The following ZNF346 variants were observed in gnomAD, a reference collection of about 807,000 sequenced individuals.
ZNF346 encodes double-stranded RNA-binding zinc finger protein JAZ.
In ZNF346, 23 loss-of-function variants were observed where a neutral mutation model predicts 33.7. The observed-to-expected ratio is 0.68, with a 90% confidence interval of 0.49 to 0.97. The LOEUF (loss-of-function observed/expected upper bound fraction) is 0.97. Among genes scored for constraint, ZNF346 ranks in the 50% least tolerant of loss-of-function variants. The probability of loss-of-function intolerance (pLI) is 0.00; values close to 1 mark genes in which losing one functional copy is unlikely to be tolerated. For synonymous variants in ZNF346, 134 were observed against 142.4 expected (o/e 0.94, Z 0.42); for missense variants, 340 against 371.1 (o/e 0.92, Z 0.69).
intron 3 of ZNF346, among the ~76,000 whole-genome samples, chr5:177,042,607 C>A (rs1204849889): frequency 1.3e-5 from 2 of 152,182 alleles, no homozygotes; most frequent in Non-Finnish European, 2.9e-5. Flanking sequence ...AGACTGCTAC[C>A]TCCTATTATA....
At position 177,050,761 on chromosome 5, in the gene ZNF346, G is replaced by C. The variant is rs1015080240; in HGVS notation, c.528G>C (p.Gln176His). 2 of 1,614,076 alleles carry C rather than the reference G, an allele frequency of 1.2e-6. No homozygotes were observed. Among genetic ancestry groups the C allele is most frequent in the African/African-American group, 1.3e-5 (1 of 74,916 alleles). Reference protein sequence around the residue: ...QQSTKVEALHQNREMIDPDKF... With the variant: ...QQSTKVEALHHNREMIDPDKF... ...TGGCCTCCACCTTAGCCTTGCACCA[G>C]AATAGAGAGATGATAGACCCAGACA... Residue 176 changes from glutamine to histidine, a missense_variant, in exon 5 of 7, where the codon CAG (glutamine) becomes CAC (histidine). Coordinates refer to ENST00000358149, the MANE Select transcript of ZNF346 (RefSeq NM_012279.4).
Position 177,041,849 on chromosome 5 carries a change from G to A in ZNF346, c.351G>A (p.Thr117=), listed in dbSNP as rs201590699. ...GAATGGAGACATTAAAGGGGGAAAC[G>A]AAGAAGCTAGACTCAGATCAGGTAA... is the stretch of plus-strand genomic sequence containing the variant. The part of the protein sequence containing the change: ...IHGMETLKGE[T]KKLDSDQKSS... Residue 117 remains threonine (T), a synonymous_variant, in exon 3 of 7, where the codon ACG becomes ACA. Coordinates refer to ENST00000358149, the MANE Select transcript of ZNF346 (RefSeq NM_012279.4). The A allele has an allele frequency of 3.8e-5, 61 of 1,612,200 alleles. No homozygotes were observed. Among genetic ancestry groups the A allele is most frequent in the Admixed American group, 1.2e-4 (7 of 59,974 alleles).
intron 1 of ZNF346, among the ~76,000 whole-genome samples, chr5:177,024,355 G>A (rs891323535): frequency 9.2e-5 from 14 of 151,592 alleles, no homozygotes; most frequent in Admixed American, 7.9e-4. Context: ...CTGCCATGAC[G>A]CTCAGCTGAT....
rs1006888440 is a variant in ZNF346 at position 177,047,344 on chromosome 5, T to TG, written c.517+2811_517+2812insG. ...TTTTTTGTTTGTTTGTTTTTTGTTT[T>TG]TTTTTTTTTTTGAGATGGAGTCTCC... On this transcript the variant is annotated intron_variant, in intron 4 of 6. Coordinates refer to ENST00000358149, the MANE Select transcript of ZNF346 (RefSeq NM_012279.4). 5.3e-5 allele frequency among the ~76,000 whole-genome samples: 8 copies of TG among 151,420 alleles called. 2 individuals are homozygous for TG. Among genetic ancestry groups the TG allele is most frequent in the African/African-American group, 1.9e-4 (8 of 41,354 alleles).
In ZNF346 at chr5:177,022,699, C is replaced by A. The variant is rs1203049719; in HGVS notation, c.-40C>A. 1.0e-5 allele frequency: 15 copies of A among 1,490,904 alleles called. No individual in the cohort carries two copies. Among genetic ancestry groups the A allele is most frequent in the Non-Finnish European group, 1.2e-5 (14 of 1,126,938 alleles). 92.4% of individuals were successfully genotyped at this position (1,490,904 alleles called of 1,614,324 possible). On this transcript the variant is annotated 5_prime_UTR_variant, in exon 1 of 7. Coordinates refer to ENST00000358149, the MANE Select transcript of ZNF346 (RefSeq NM_012279.4). ...CCCACCAAATCTCGCGATACCTAGG[C>A]GCCTGAGAGGCTCTCTACCGGTGAG... is the stretch of plus-strand genomic sequence containing the variant.
chr5:177,053,347 CTG>C (rs1487667640), intron 5 of ZNF346, among the ~76,000 whole-genome samples: 2 of 149,366 alleles, frequency 1.3e-5, no homozygotes, highest in Non-Finnish European at 3.0e-5. Context: ...AACAGGGTCT[CTG>C]TATGTTGCCT....
exon 9 of ZNF346, chr5:177,081,111 C>T (rs972999173): frequency 1.3e-5 from 2 of 149,672 alleles, no homozygotes; most frequent in South Asian, 2.1e-4. Context: ...GAACAATTGT[C>T]AATTCTGAGC....
At chr5:177,035,815 A>AT (rs1432674023) in intron 1 of ZNF346, among the ~76,000 whole-genome samples, 1 of 151,472 alleles carries the variant, frequency 6.6e-6, no homozygotes, top group Non-Finnish European at 1.5e-5. Context: ...ACTTTTTTGT[A>AT]TTTTTAGTAG....
At chr5:177,068,273 C>G (rs1783332002), downstream of ZNF346, among the ~76,000 whole-genome samples, 2 of 144,058 alleles carry the variant, frequency 1.4e-5, no homozygotes, top group African/African-American at 2.9e-5. Context: ...TTGTCCATTC[C>G]CATGATCCCA....
chr5:177,063,708 TGTA>T (rs2149707528), intron 6 of ZNF346, among the ~76,000 whole-genome samples: 1 of 152,272 alleles, frequency 6.6e-6, no homozygotes, highest in African/African-American at 2.4e-5. Flanking sequence ...ACATGGGCAA[TGTA>T]GTGAGACCCC....
intron 8 of ZNF346, among the ~76,000 whole-genome samples, chr5:177,076,702 A>ACTAT (rs1783761911): frequency 6.6e-6 from 1 of 152,186 alleles, no homozygotes; most frequent in Non-Finnish European, 1.5e-5. Flanking sequence ...GGTCCCTGTG[A>ACTAT]CTATCTCAAT....
At chr5:177,042,218 C>T (rs1409207393) in intron 3 of ZNF346, 1 of 177,714 alleles carries the variant, frequency 5.6e-6, no homozygotes, top group Non-Finnish European at 1.2e-5. Context: ...AGCCAGGCTG[C>T]TTGCTTTCTT....
At chr5:177,063,189 T>G (rs1273741340) in intron 6 of ZNF346, among the ~76,000 whole-genome samples, 1 of 152,140 alleles carries the variant, frequency 6.6e-6, no homozygotes, top group Non-Finnish European at 1.5e-5. Flanking sequence ...CATGAGCCAC[T>G]GCACCTGGCC....
At chr5:177,054,257 G>C (rs1244047854) in intron 5 of ZNF346, among the ~76,000 whole-genome samples, 4 of 151,972 alleles carry the variant, frequency 2.6e-5, no homozygotes, top group Admixed American at 2.0e-4. Context: ...TTTTTGTAGA[G>C]CTAGAGTCTC....
At chr5:177,035,547 G>A (rs1020479303) in intron 1 of ZNF346, among the ~76,000 whole-genome samples, 1 of 150,802 alleles carries the variant, frequency 6.6e-6, no homozygotes, top group African/African-American at 2.4e-5. Flanking sequence ...TGCAGCCTCC[G>A]CCTCCCGGGT....
chr5:177,042,072 G>T (rs1398587952), intron 3 of ZNF346: 18 of 466,734 alleles, frequency 3.9e-5, no homozygotes, highest in Non-Finnish European at 7.0e-5. Context: ...GGATTTTTTA[G>T]AACTAAAATT....
At position 177,041,751 on chromosome 5, in the gene ZNF346, T is replaced by C. The variant is rs1343009295; in HGVS notation, c.280-27T>C. Reference sequence around the variant, plus strand: ...AAGTATGAAGTAGCATTTGGCTATCTTTGATCTTTCTCCTGGGTTTTTGCA... The same window carrying C: ...AAGTATGAAGTAGCATTTGGCTATCCTTGATCTTTCTCCTGGGTTTTTGCA... On this transcript the variant is annotated intron_variant, in intron 2 of 6. Coordinates refer to ENST00000358149, the MANE Select transcript of ZNF346 (RefSeq NM_012279.4). 10 of 1,487,008 alleles carry C rather than the reference T, an allele frequency of 6.7e-6. No individual in the cohort carries two copies. The South Asian group carries it at 1.1e-4, about 17-fold the overall frequency. 92.1% of individuals were successfully genotyped at this position (1,487,008 alleles called of 1,614,324 possible).
At chr5:177,070,707 AGCGGGG>A (rs1783460470), downstream of ZNF346, among the ~76,000 whole-genome samples, 1 of 152,186 alleles carries the variant, frequency 6.6e-6, no homozygotes, top group African/African-American at 2.4e-5. Context: ...GTCCCCCTGG[AGCGGGG>A]GTAAGGCCAC....
chr5:177,080,895 G>A (rs1161660845), exon 9 of ZNF346: 2 of 152,190 alleles, frequency 1.3e-5, no homozygotes, highest in African/African-American at 4.8e-5. Flanking sequence ...GACCAGCCAA[G>A]CTAGACCTCC....
Sources: allele counts gnomAD v4.1 joint callset (sites outside exome capture counted in the v4.1 genomes callset), GRCh38; gene constraint gnomAD v4.1.1; transcripts MANE v1.5; gene names NCBI Gene and HGNC (gene_info 2026-07-23, HGNC 2026-07-21).